Variants in DUT observed in about 807,000 individuals in gnomAD.
DUT encodes the protein deoxyuridine triphosphatase, also known as deoxyuridine 5'-triphosphate nucleotidohydrolase, mitochondrial.
DUT carries 21 observed loss-of-function variants against 28.8 expected under a neutral mutation model. That is an observed-to-expected ratio of 0.73 (90% confidence interval 0.52 to 1.05). DUT has a LOEUF of 1.05. Ranked by LOEUF, DUT falls within the 50% of genes least tolerant of loss-of-function variation. The pLI, the probability that DUT is intolerant of heterozygous loss-of-function variation, is 0.00. For synonymous variants in DUT, 147 were observed against 143.7 expected (o/e 1.02, Z -0.17); for missense variants, 344 against 351.8 (o/e 0.98, Z 0.18).
intron 3 of DUT, 86 bp downstream of exon 3, chr15:48,334,594 C>T (rs2042454967): frequency 2.1e-6 from 2 of 964,210 alleles, no homozygotes; most frequent in Non-Finnish European, 1.6e-6. Flanking sequence ...AATAAGCAGG[C>T]AATATTGCTT....
chr15:48,340,928 T>TA (rs1312643439), intron 4 of DUT, among the ~76,000 whole-genome samples: 8 of 152,216 alleles, frequency 5.3e-5, no homozygotes, highest in Admixed American at 2.6e-4. Flanking sequence ...GGGAAGCTGA[T>TA]ACCAGGAAAA....
chr15:48,333,058 T>C (rs1452745961), intron 2 of DUT, among the ~76,000 whole-genome samples: 1 of 151,846 alleles, frequency 6.6e-6, no homozygotes, highest in African/African-American at 2.4e-5. Flanking sequence ...TATAATTTTT[T>C]ATCCCGAATT....
chr15:48,335,762 C>G (rs2042468839), intron 3 of DUT, among the ~76,000 whole-genome samples: 1 of 152,214 alleles, frequency 6.6e-6, no homozygotes, highest in Non-Finnish European at 1.5e-5. Flanking sequence ...TCTAGCAGTC[C>G]TTCTCCCCTG....
At chr15:48,332,060 A>G (rs2042419578) in intron 1 of DUT, 2 of 1,187,590 alleles carry the variant, frequency 1.7e-6, no homozygotes. Context: ...CTGCTTTCCG[A>G]GAAGGGCTTC....
At chr15:48,339,929 C>T (rs2042515009) in intron 4 of DUT, among the ~76,000 whole-genome samples, 1 of 152,040 alleles carries the variant, frequency 6.6e-6, no homozygotes, top group African/African-American at 2.4e-5. Flanking sequence ...CGTGGTGGAC[C>T]TAAGGGTTTG....
intron 2 of DUT, among the ~76,000 whole-genome samples, chr15:48,333,800 G>C (rs917410659): frequency 1.3e-5 from 2 of 152,160 alleles, no homozygotes; most frequent in African/African-American, 2.4e-5. Flanking sequence ...AAACTACCAA[G>C]CCCTGCCTGA....
At chr15:48,339,332 A>AT (rs1242365557) in intron 4 of DUT, among the ~76,000 whole-genome samples, 2 of 152,162 alleles carry the variant, frequency 1.3e-5, no homozygotes, top group Non-Finnish European at 2.9e-5. Context: ...TTATTTAAAA[A>AT]TTTTTGAATA....
chr15:48,335,550 G>A (rs1382342374), intron 3 of DUT, among the ~76,000 whole-genome samples: 1 of 152,096 alleles, frequency 6.6e-6, no homozygotes, highest in Non-Finnish European at 1.5e-5. Flanking sequence ...CTACTATTTG[G>A]TTAGGTTTGT....
At chr15:48,337,078 C>CT (rs2042483967) in intron 4 of DUT, among the ~76,000 whole-genome samples, 1 of 152,198 alleles carries the variant, frequency 6.6e-6, no homozygotes, top group African/African-American at 2.4e-5. Flanking sequence ...GCCCCTTAGT[C>CT]TAACATTTGG....
chr15:48,332,387 G>T lies in DUT; in HGVS notation c.400G>T (p.Ala134Ser). 6.3e-7 allele frequency: 1 copy of T among 1,579,660 alleles called. No individual in the cohort carries two copies. ...TAPTRGSARA[A>S]GYDLYSAYDY... ...CCCCACCCGGGGCTCCGCGCGCGCC[G>T]CGGGCTACGACCTGTACAGGTGAGC... Residue 134 changes from alanine to serine, a missense_variant, in exon 2 of 7, where the codon GCG becomes TCG. Transcript: ENST00000331200.
At position 48,334,515 on chromosome 15, in the gene DUT, C is replaced by A; in HGVS notation, c.511+7C>A. Reference sequence around the variant, plus strand: ...GGGTGTTATGGAAGAGTGGGTAAGTCATTTAAGAAACAGGTAACTATTTGT... The same window carrying A: ...GGGTGTTATGGAAGAGTGGGTAAGTAATTTAAGAAACAGGTAACTATTTGT... On this transcript the variant is annotated splice_region_variant and intron_variant, in intron 3 of 6. Coordinates refer to ENST00000331200, the MANE Select transcript of DUT (RefSeq NM_001025248.2). 1.3e-6 allele frequency: 2 copies of A among 1,590,754 alleles called. No homozygotes were observed. The highest frequency in any genetic ancestry group is 1.1e-5 in the South Asian group (1 of 88,502).
At chr15:48,331,146 T>G (rs2141153858), upstream of DUT, 1 of 1,331,466 alleles carries the variant, frequency 7.5e-7, no homozygotes, top group South Asian at 1.8e-5. Flanking sequence ...AGGGCGCCGC[T>G]AAACTCAGAG....
rs558723621 is a variant in DUT at position 48,343,025 on chromosome 15, C to A, written c.*947C>A. The A allele has an allele frequency of 6.6e-6, 1 of 152,180 alleles. No homozygotes were observed. The highest frequency in any genetic ancestry group is 2.4e-5 in the African/African-American group (1 of 41,430). 9.4% of individuals were successfully genotyped at this position (152,180 alleles called of 1,614,324 possible). On this transcript the variant is annotated 3_prime_UTR_variant, in exon 7 of 7. Coordinates refer to ENST00000331200, the MANE Select transcript of DUT (RefSeq NM_001025248.2). Reference sequence around the variant, plus strand: ...GTGCTTTCCTTTCTTTACTATGTTTCTCAGATTCCTTTGTATCAGGGTTTT... The same window carrying A: ...GTGCTTTCCTTTCTTTACTATGTTTATCAGATTCCTTTGTATCAGGGTTTT...
In DUT at chr15:48,342,175, T is replaced by A; in HGVS notation, c.*97T>A. The stretch of plus-strand genomic sequence containing the variant: ...AGTGTTTTGGTGTTTTGCACTTCTG[T>A]AAACTTACTAGCTTTACCTTCTAAA... On this transcript the variant is annotated 3_prime_UTR_variant, in exon 7 of 7. Transcript: ENST00000331200. 1 of 752,776 alleles carries A rather than the reference T, an allele frequency of 1.3e-6. No homozygotes were observed. The highest frequency in any genetic ancestry group is 2.0e-6 in the Non-Finnish European group (1 of 501,648). 46.6% of individuals were successfully genotyped at this position (752,776 alleles called of 1,614,324 possible).
upstream of DUT, chr15:48,331,157 C>T (rs1261840633): frequency 2.2e-6 from 3 of 1,385,898 alleles, no homozygotes; most frequent in South Asian, 1.6e-5. Flanking sequence ...AAACTCAGAG[C>T]CCGGGAGTCA....
In DUT at chr15:48,331,619, C is replaced by T; in HGVS notation, c.104C>T (p.Ala35Val). Reference protein sequence around the residue: ...NARGARQRAEAAVLSGPGPPL... With the variant: ...NARGARQRAEVAVLSGPGPPL... ...CGAGGCGCACGGCAGAGGGCCGAAG[C>T]CGCGGTACTCTCCGGGCCAGGCCCG... The change falls in exon 1 of 7, where the codon GCC becomes GTC. Residue 35 changes from alanine (A) to valine (V), a missense_variant. Ala to Val is a moderately conservative substitution (Grantham distance 64, BLOSUM62 0). Coordinates refer to ENST00000331200, the MANE Select transcript of DUT (RefSeq NM_001025248.2). 6.4e-7 allele frequency: 1 copy of T among 1,553,682 alleles called. No individual in the cohort carries two copies. Among genetic ancestry groups the T allele is most frequent in the Non-Finnish European group, 8.7e-7 (1 of 1,150,308 alleles).
At position 48,332,194 on chromosome 15, in the gene DUT, C is replaced by G. The variant is rs932307486; in HGVS notation, c.281-74C>G. 4 of 1,504,476 alleles carry G rather than the reference C, an allele frequency of 2.7e-6. No homozygotes were observed. In the African/African-American group the frequency reaches 4.4e-5, roughly 16 times the overall value. The allele number at this position is 1,504,476 out of a possible 1,614,324, so 93.2% of individuals were successfully genotyped here. ...TTTTGGCGCGCTCCCTGCGGCGACGCTCATCGTGCGCTCTCCTCTTCCCCC... is the reference window on the plus strand; with the variant it reads ...TTTTGGCGCGCTCCCTGCGGCGACGGTCATCGTGCGCTCTCCTCTTCCCCC... On this transcript the variant is annotated intron_variant, in intron 1 of 6. Transcript: ENST00000331200.
At chr15:48,338,249 ACTT>A (rs1243045655) in intron 4 of DUT, among the ~76,000 whole-genome samples, 1 of 152,078 alleles carries the variant, frequency 6.6e-6, no homozygotes, top group Non-Finnish European at 1.5e-5. Context: ...TTGACTTCAA[ACTT>A]CTTAATTTCT....
At chr15:48,334,595 A>T in intron 3 of DUT, 87 bp downstream of exon 3, 1 of 957,080 alleles carries the variant, frequency 1.0e-6, no homozygotes, top group Non-Finnish European at 1.6e-6. Context: ...ATAAGCAGGC[A>T]ATATTGCTTG....
Sources: gnomAD v4.1 joint callset for allele counts (sites outside exome capture counted in the v4.1 genomes callset) on GRCh38, gnomAD v4.1.1 for gene constraint, MANE v1.5 for transcripts, NCBI Gene and HGNC (gene_info 2026-07-23, HGNC 2026-07-21) for gene names.